CHSY1: variants seen among roughly 807,000 people sequenced by gnomAD.
CHSY1 encodes chondroitin sulfate synthase 1.
Under a neutral mutation model 59.8 loss-of-function variants are expected in CHSY1, and 13 were observed. The ratio of observed to expected loss-of-function variants is 0.22; its 90% CI spans 0.14 to 0.35. CHSY1 has a LOEUF of 0.35. CHSY1 is among the 10% of genes least tolerant of loss of function. The probability of loss-of-function intolerance (pLI) is 1.00; values close to 1 mark genes in which losing one functional copy is unlikely to be tolerated. For synonymous variants in CHSY1, 459 were observed against 401.2 expected (o/e 1.14, Z -1.72); for missense variants, 947 against 1,030.6 (o/e 0.92, Z 1.11).
At chr15:101,247,896 T>C (rs144633106) in intron 1 of CHSY1, among the ~76,000 whole-genome samples, 6 of 152,292 alleles carry the variant, frequency 3.9e-5, no homozygotes, top group African/African-American at 1.2e-4. Flanking sequence ...AGCCCCTTTC[T>C]GGATCTCAGA....
rs911382649 is a variant in CHSY1, at chr15:101,178,831, G to A, written c.966C>T (p.Arg322=). Residue 322 remains arginine (R), a synonymous_variant, in exon 3 of 3, where the codon CGC becomes CGT. Coordinates refer to ENST00000254190, the MANE Select transcript of CHSY1 (RefSeq NM_014918.5). ...QYRLHSYMLS[R]KISELRHRTI... is the part of the protein sequence containing the mutation. ...TGCGATGGCGGAGCTCGGATATCTT[G>A]CGGCTCAGCATGTAGCTGTGGAGCC... The A allele has an allele frequency of 9.9e-6, 16 of 1,614,068 alleles. No individual in the cohort carries two copies. Among genetic ancestry groups the A allele is most frequent in the Admixed American group, 1.7e-5 (1 of 60,016 alleles).
intron 2 of CHSY1, among the ~76,000 whole-genome samples, chr15:101,185,260 A>G (rs977471447): frequency 5.9e-5 from 9 of 152,254 alleles, no homozygotes; most frequent in African/African-American, 2.2e-4. Context: ...AAAAATGTCA[A>G]TGAGATATTA....
In CHSY1 at chr15:101,214,002, A is replaced by G. The variant is rs573542159; in HGVS notation, c.816+21080T>C. Among the ~76,000 whole-genome samples, 3 of 152,364 alleles carry G rather than the reference A, an allele frequency of 2.0e-5. No homozygotes were observed. In the East Asian group the frequency reaches 5.8e-4, roughly 29 times the overall value. Reference sequence around the variant, plus strand: ...TCCTTCAACCTTAAACAGATAGCCCAGGCATGGAAAATTGGTTAAACGTGG... The same window carrying G: ...TCCTTCAACCTTAAACAGATAGCCCGGGCATGGAAAATTGGTTAAACGTGG... On this transcript the variant is annotated intron_variant, in intron 2 of 2. Coordinates refer to ENST00000254190, the MANE Select transcript of CHSY1 (RefSeq NM_014918.5).
chr15:101,226,874 G>C (rs935032890), intron 2 of CHSY1, among the ~76,000 whole-genome samples: 1 of 152,196 alleles, frequency 6.6e-6, no homozygotes, highest in Non-Finnish European at 1.5e-5. Context: ...GCGACACTCA[G>C]CGTAATTCAT....
intron 2 of CHSY1, chr15:101,188,199 T>C (rs561383062): frequency 3.0e-6 from 3 of 985,386 alleles, no homozygotes; most frequent in Admixed American, 1.2e-4. Context: ...TACAGAGAAG[T>C]GGTTTTCTCA....
chr15:101,245,818 C>T lies in CHSY1; in HGVS notation c.320+5319G>A, dbSNP rs924766233. ...ACAGGAAATTCACGATCTGAAATGA[C>T]TTGGTGCTCCAAAAGTTCACTTACA... On this transcript the variant is annotated intron_variant, in intron 1 of 2. Coordinates refer to ENST00000254190, the MANE Select transcript of CHSY1 (RefSeq NM_014918.5). 6.6e-5 allele frequency among the ~76,000 whole-genome samples: 10 copies of T among 152,228 alleles called. No homozygotes were observed. In the East Asian group the frequency reaches 1.9e-3, roughly 29 times the overall value.
In CHSY1 at chr15:101,176,966, T is replaced by TA. The variant is rs34904116; in HGVS notation, c.*421dup. ...ACATGAAATGGCTTTAAAACAATTG[T>TA]AAAAAAAAAAAACAAAACACAAAAG... On this transcript the variant is annotated 3_prime_UTR_variant, in exon 3 of 3. Coordinates refer to ENST00000254190, the MANE Select transcript of CHSY1 (RefSeq NM_014918.5). The TA allele has an allele frequency of 0.35, 52,385 of 150,356 alleles. 8,899 individuals are homozygous for TA. The highest frequency in any genetic ancestry group is 0.49 in the South Asian group (2,482 of 5,064). The allele number at this position is 150,356 out of a possible 1,614,324, so 9.3% of individuals were successfully genotyped here. A position where few individuals can be genotyped will look rare whatever the true frequency, so the allele number is the denominator to read the frequency against.
chr15:101,206,314 G>T (rs1018139703), intron 2 of CHSY1, among the ~76,000 whole-genome samples: 5 of 151,992 alleles, frequency 3.3e-5, no homozygotes, highest in African/African-American at 1.2e-4. Flanking sequence ...GAGAACCAAC[G>T]ACCAGGTATT....
At chr15:101,216,543 T>A (rs1034875808) in intron 2 of CHSY1, among the ~76,000 whole-genome samples, 4 of 152,190 alleles carry the variant, frequency 2.6e-5, no homozygotes, top group Admixed American at 2.6e-4. Flanking sequence ...TATTCAGTGA[T>A]TAAAAGAGAA....
At chr15:101,224,345 G>C (rs2038818418) in intron 2 of CHSY1, among the ~76,000 whole-genome samples, 1 of 152,198 alleles carries the variant, frequency 6.6e-6, no homozygotes. Flanking sequence ...GGGGGCATTT[G>C]TGTGCCAAGT....
intron 2 of CHSY1, among the ~76,000 whole-genome samples, chr15:101,222,412 G>A (rs527735620): frequency 1.3e-5 from 2 of 152,260 alleles, no homozygotes; most frequent in Admixed American, 6.5e-5. Context: ...GCTTCACCCC[G>A]CTTCTTCTGA....
chr15:101,205,951 CAA>C (rs1170295420), intron 2 of CHSY1, among the ~76,000 whole-genome samples: 4 of 134,072 alleles, frequency 3.0e-5, no homozygotes, highest in Non-Finnish European at 1.6e-5. Flanking sequence ...GACTCCGTCT[CAA>C]AAAAAAAAAA....
chr15:101,250,199 C>G (rs1171861126), intron 1 of CHSY1, among the ~76,000 whole-genome samples: 1 of 152,208 alleles, frequency 6.6e-6, no homozygotes, highest in East Asian at 1.9e-4. Flanking sequence ...AAACCATTCC[C>G]CACATTGGTT....
intron 2 of CHSY1, among the ~76,000 whole-genome samples, chr15:101,185,029 C>T (rs2038336887): frequency 2.0e-5 from 3 of 152,170 alleles, no homozygotes; most frequent in African/African-American, 7.2e-5. Context: ...CAGGTAAGGA[C>T]GAGTACCTCC....
intron 2 of CHSY1, among the ~76,000 whole-genome samples, chr15:101,207,403 C>T (rs2038637829): frequency 6.6e-6 from 1 of 152,198 alleles, no homozygotes; most frequent in African/African-American, 2.4e-5. Flanking sequence ...TTAGAACCAA[C>T]TCATGATGCT....
chr15:101,214,555 C>T (rs1021058895), intron 2 of CHSY1, among the ~76,000 whole-genome samples: 1 of 152,228 alleles, frequency 6.6e-6, no homozygotes, highest in Non-Finnish European at 1.5e-5. Flanking sequence ...AGTGATACAG[C>T]TTGGATCTGT....
At position 101,221,974 on chromosome 15, in the gene CHSY1, G is replaced by A. The variant is rs147540638; in HGVS notation, c.816+13108C>T. Among the ~76,000 whole-genome samples the A allele has an allele frequency of 2.6e-3, 392 of 152,212 alleles. 3 individuals carry two copies. The highest frequency in any genetic ancestry group is 8.3e-3 in the African/African-American group (343 of 41,534). The stretch of plus-strand genomic sequence containing the variant: ...TAACCAAGATGATGTCAGCAAGCCC[G>A]AGCGTTAAATTGCTGAGTGAACGCT... On this transcript the variant is annotated intron_variant, in intron 2 of 2. Transcript: ENST00000254190.
At chr15:101,250,632 C>A (rs2039097517) in intron 1 of CHSY1, among the ~76,000 whole-genome samples, 1 of 152,224 alleles carries the variant, frequency 6.6e-6, no homozygotes, top group Non-Finnish European at 1.5e-5. Context: ...CATTCTCTTT[C>A]ATTTATAGGA....
At chr15:101,184,046 G>T (rs2038318441) in intron 2 of CHSY1, among the ~76,000 whole-genome samples, 1 of 152,240 alleles carries the variant, frequency 6.6e-6, no homozygotes, top group African/African-American at 2.4e-5. Flanking sequence ...AAATGTGACT[G>T]CACACTTTAT....
Sources: allele counts gnomAD v4.1 joint callset (sites outside exome capture counted in the v4.1 genomes callset), GRCh38; gene constraint gnomAD v4.1.1; transcripts MANE v1.5; gene names NCBI Gene and HGNC (gene_info 2026-07-23, HGNC 2026-07-21).